The following GAS7 variants were observed in gnomAD, a reference collection of about 807,000 sequenced individuals.
GAS7 encodes the protein growth arrest specific 7, also known as growth arrest-specific protein 7.
Under a neutral mutation model 71.1 loss-of-function variants are expected in GAS7, and 28 were observed. The ratio of observed to expected loss-of-function variants is 0.39; its 90% CI spans 0.29 to 0.54. The LOEUF is 0.54. GAS7 is among the 20% of genes least tolerant of loss of function. The pLI is 0.62. For synonymous variants in GAS7, 258 were observed against 245.8 expected, an observed-to-expected ratio of 1.05 and a Z score of -0.46; for missense variants, 436 against 627.8, an observed-to-expected ratio of 0.69 and a Z score of 3.27.
intron 1 of GAS7, among the ~76,000 whole-genome samples, chr17:10,087,475 T>C (rs901376055): frequency 6.6e-6 from 1 of 152,220 alleles, no homozygotes; most frequent in Non-Finnish European, 1.5e-5. Context: ...CCAGCAGCCA[T>C]GGTTGCATGC....
intron 5 of GAS7, among the ~76,000 whole-genome samples, chr17:9,956,783 G>A: frequency 6.6e-6 from 1 of 152,196 alleles, no homozygotes; most frequent in South Asian, 2.1e-4. Flanking sequence ...GGATCAGACA[G>A]CACGGGAAGC....
chr17:10,174,321 G>T (rs900268533), intron 1 of GAS7, among the ~76,000 whole-genome samples: 10 of 152,220 alleles, frequency 6.6e-5, no homozygotes, highest in African/African-American at 2.4e-4. Context: ...AGGGGATGCA[G>T]TCTGTAGAAC....
At position 9,952,495 on chromosome 17, in the gene GAS7, G is replaced by A. The variant is rs137904720; in HGVS notation, c.526-5512C>T. Among the ~76,000 whole-genome samples, 1,409 of 152,200 alleles carry A rather than the reference G, an allele frequency of 9.3e-3. 27 individuals carry two copies. The highest frequency in any genetic ancestry group is 0.032 in the African/African-American group (1,346 of 41,516). The stretch of plus-strand genomic sequence containing the variant: ...CAACCTCCACCTCCCGGGTTCAAGC[G>A]ATTCTCCTGCTTCAGCCTCGCGAGT... On this transcript the variant is annotated intron_variant, in intron 5 of 13. Transcript: ENST00000432992.
intron 1 of GAS7, among the ~76,000 whole-genome samples, chr17:10,089,879 G>C (rs2073562496): frequency 6.6e-6 from 1 of 152,060 alleles, no homozygotes; most frequent in African/African-American, 2.4e-5. Context: ...TTAGAAGTGT[G>C]ACTGGAGGCC....
Position 9,944,388 on chromosome 17 carries a change from T to C in GAS7, c.616-1152A>G, listed in dbSNP as rs73271081. Among the ~76,000 whole-genome samples, 1,411 of 152,338 alleles carry C rather than the reference T, an allele frequency of 9.3e-3. 20 individuals carry two copies. The highest frequency in any genetic ancestry group is 0.031 in the African/African-American group (1,292 of 41,576). ...CATTGGTGAGAACAGTGTCCCAGCA[T>C]CTGGTAGGACCCAGGTTCTTGTCTC... is the stretch of plus-strand genomic sequence containing the variant. On this transcript the variant is annotated intron_variant, in intron 6 of 13. Coordinates refer to ENST00000432992, the MANE Select transcript of GAS7 (RefSeq NM_201433.2).
At chr17:9,932,421 A>T (rs1465735017) in intron 9 of GAS7, among the ~76,000 whole-genome samples, 1 of 152,194 alleles carries the variant, frequency 6.6e-6, no homozygotes, top group East Asian at 1.9e-4. Flanking sequence ...TCTCGATCTC[A>T]TGATCTCATG....
intron 1 of GAS7, among the ~76,000 whole-genome samples, chr17:10,107,457 T>C (rs1468161472): frequency 6.6e-6 from 1 of 151,764 alleles, no homozygotes; most frequent in African/African-American, 2.4e-5. Flanking sequence ...AGTCCAGTGG[T>C]GGCGGGCTGG....
In GAS7 at chr17:9,916,506, G is replaced by A. The variant is rs896136277; in HGVS notation, c.*722C>T. 1.3e-5 allele frequency: 3 copies of A among 235,362 alleles called. No homozygotes were observed. The highest frequency in any genetic ancestry group is 2.5e-5 in the Non-Finnish European group (3 of 119,358). 14.6% of individuals were successfully genotyped at this position (235,362 alleles called of 1,614,324 possible). On this transcript the variant is annotated 3_prime_UTR_variant, in exon 14 of 14. Coordinates refer to ENST00000432992, the MANE Select transcript of GAS7 (RefSeq NM_201433.2). ...AAGCAGCTGGGGGAAGGATGGATTG[G>A]CATTTCCAGAGGAGACTTTACAGAT...
intron 3 of GAS7, among the ~76,000 whole-genome samples, chr17:9,971,738 T>G (rs2069972182): frequency 8.6e-6 from 1 of 116,174 alleles, no homozygotes; most frequent in Non-Finnish European, 1.9e-5. Flanking sequence ...CAGGTCAGAC[T>G]GGAGGAAGAT....
rs770578689 is a variant in GAS7 at position 9,925,583 on chromosome 17, G to A, written c.1031C>T (p.Thr344Ile). Residue 344 changes from threonine (T) to isoleucine (I), a missense_variant, in exon 11 of 14, where the codon ACA becomes ATA. By Grantham distance (89) the Thr-to-Ile change is moderately conservative. Transcript: ENST00000432992. ...ASVEKARKALTERQRDLEMKT... is the reference protein window; with the variant it reads ...ASVEKARKALIERQRDLEMKT... Reference sequence around the variant, plus strand: ...CATCTCCAGGTCTCTCTGCCGCTCTGTGAGGGCTTTCCGGGCCTGGGGTCC... The same window carrying A: ...CATCTCCAGGTCTCTCTGCCGCTCTATGAGGGCTTTCCGGGCCTGGGGTCC... The A allele has an allele frequency of 1.9e-6, 3 of 1,614,196 alleles. No individual in the cohort carries two copies. The highest frequency in any genetic ancestry group is 2.5e-6 in the Non-Finnish European group (3 of 1,180,018).
intron 1 of GAS7, among the ~76,000 whole-genome samples, chr17:10,133,542 C>T (rs2074015574): frequency 6.6e-6 from 1 of 152,198 alleles, no homozygotes; most frequent in Admixed American, 6.6e-5. Context: ...CATTACTCCA[C>T]ATACTTATTT....
At position 9,926,139 on chromosome 17, in the gene GAS7, A is replaced by T. The variant is rs1012955551; in HGVS notation, c.1014+502T>A. 2.0e-5 allele frequency among the ~76,000 whole-genome samples: 3 copies of T among 151,772 alleles called. No homozygotes were observed. Among genetic ancestry groups the T allele is most frequent in the East Asian group, 3.9e-4 (2 of 5,150 alleles). The stretch of plus-strand genomic sequence containing the variant: ...AGTTTGAGCCCCCTTCTCCTCTCTA[A>T]GGCACTGGGGACTGGGAATCAGTCC... On this transcript the variant is annotated intron_variant, in intron 10 of 13. Coordinates refer to ENST00000432992, the MANE Select transcript of GAS7 (RefSeq NM_201433.2). The surrounding 1 kb of genome is among the most constrained non-coding windows in gnomAD (Gnocchi z 5.0).
chr17:10,112,539 CA>C (rs1295963123), intron 1 of GAS7, among the ~76,000 whole-genome samples: 1 of 152,108 alleles, frequency 6.6e-6, no homozygotes, highest in Non-Finnish European at 1.5e-5. Context: ...AGTTCGAGAC[CA>C]GCCTGACCAA....
Position 10,112,175 on chromosome 17 carries a change from G to C in GAS7, c.183+86033C>G, listed in dbSNP as rs889873362. 3.9e-5 allele frequency among the ~76,000 whole-genome samples: 6 copies of C among 152,280 alleles called. 1 individual carries two copies. ...CAGCTCCCTGACTTAGAAAAGCCTG[G>C]GAGCAGAGAAATGCTGTCACTGCAT... On this transcript the variant is annotated intron_variant, in intron 1 of 13. Transcript: ENST00000432992.
intron 2 of GAS7, among the ~76,000 whole-genome samples, chr17:9,989,827 T>C (rs1347942608): frequency 6.6e-6 from 1 of 152,236 alleles, no homozygotes; most frequent in East Asian, 1.9e-4. Flanking sequence ...AAACATTCAT[T>C]ATTTCATATT....
chr17:9,972,044 C>T (rs114404310), intron 3 of GAS7, among the ~76,000 whole-genome samples: 109 of 152,298 alleles, frequency 7.2e-4, no homozygotes, highest in African/African-American at 2.5e-3. Context: ...AGGGTTTACC[C>T]CCCGTTCCAG....
chr17:9,925,604 G>T lies in GAS7; in HGVS notation c.1015-5C>A. 4 of 1,614,052 alleles carry T rather than the reference G, an allele frequency of 2.5e-6. No homozygotes were observed. The highest frequency in any genetic ancestry group is 1.3e-5 in the African/African-American group (1 of 75,024). ...CTCTGTGAGGGCTTTCCGGGCCTGG[G>T]GTCCAAGGACACGGAGAAGCTGCTC... On this transcript the variant is annotated splice_region_variant and splice_polypyrimidine_tract_variant and intron_variant, in intron 10 of 13. Transcript: ENST00000432992.
intron 1 of GAS7, among the ~76,000 whole-genome samples, chr17:10,116,843 A>C (rs1191100860): frequency 6.6e-6 from 1 of 152,018 alleles, no homozygotes; most frequent in African/African-American, 2.4e-5. Context: ...AACAAGCCAG[A>C]CAGACAGGTC....
At chr17:10,090,729 A>G (rs2073573630) in intron 1 of GAS7, among the ~76,000 whole-genome samples, 1 of 152,130 alleles carries the variant, frequency 6.6e-6, no homozygotes, top group Admixed American at 6.6e-5. Flanking sequence ...AAATCACTGA[A>G]GCCAGTTAAC....
Sources: gnomAD v4.1 joint callset for allele counts (sites outside exome capture counted in the v4.1 genomes callset) on GRCh38, gnomAD v4.1.1 for gene constraint, Gnocchi (gnomAD v3.1) non-coding constraint, MANE v1.5 for transcripts, NCBI Gene and HGNC (gene_info 2026-07-23, HGNC 2026-07-21) for gene names.